Variants in HRH1 observed in about 807,000 individuals in gnomAD.
HRH1 encodes histamine receptor H1.
Under a neutral mutation model 10.3 loss-of-function variants are expected in HRH1, and 6 were observed. That is an observed-to-expected ratio of 0.58 (90% CI 0.32 to 1.15). The LOEUF (loss-of-function observed/expected upper bound fraction) is 1.15, where lower values mean the gene tolerates loss of function less well. HRH1 is among the 50% of genes most tolerant of loss of function. The pLI, the probability that HRH1 is intolerant of heterozygous loss-of-function variation, is 0.05. For missense variants in HRH1, 514 were observed against 615.3 expected (o/e 0.84, Z 1.74); for synonymous variants, 242 against 236.7 (o/e 1.02, Z -0.21).
Position 11,259,324 on chromosome 3 carries a change from G to A in HRH1, c.287G>A (p.Gly96Asp). The change falls in exon 2 of 2, where the codon GGC (glycine) becomes GAC (aspartate). Residue 96 changes from glycine (G) to aspartate (D), a missense_variant. Coordinates refer to ENST00000431010, the MANE Select transcript of HRH1 (RefSeq NM_001098212.2). The surrounding 1 kb of genome is among the most constrained non-coding windows in gnomAD (Gnocchi z 4.6). The stretch of plus-strand genomic sequence containing the variant: ...CTGCTCATGTCCAAGTGGTCACTGG[G>A]CCGTCCTCTCTGCCTCTTTTGGCTT... ...LYLLMSKWSLGRPLCLFWLSM... is the reference protein window; with the variant it reads ...LYLLMSKWSLDRPLCLFWLSM... 1 of 1,613,584 alleles carries A rather than the reference G, an allele frequency of 6.2e-7. No homozygotes were observed. Among genetic ancestry groups the A allele is most frequent in the Non-Finnish European group, 8.5e-7 (1 of 1,179,996 alleles).
At chr3:11,137,609 G>T (rs1936207488) in intron 1 of HRH1, among the ~76,000 whole-genome samples, 1 of 152,156 alleles carries the variant, frequency 6.6e-6, no homozygotes, top group East Asian at 1.9e-4. Flanking sequence ...GAGTCATCAT[G>T]GGCTGTGATG....
intron 1 of HRH1, among the ~76,000 whole-genome samples, chr3:11,225,654 A>G (rs142249462): frequency 3.3e-4 from 51 of 152,362 alleles, no homozygotes; most frequent in African/African-American, 1.1e-3. Context: ...ATCAGTAATT[A>G]AGGAATTACA....
At chr3:11,232,194 G>A (rs1357267906) in intron 1 of HRH1, among the ~76,000 whole-genome samples, 1 of 152,036 alleles carries the variant, frequency 6.6e-6, no homozygotes, top group Admixed American at 6.6e-5. Context: ...CACCATGTTG[G>A]CCAGGATGGT....
chr3:11,210,113 C>T lies in HRH1; in HGVS notation c.-35-48890C>T, dbSNP rs371051768. 1.5e-4 allele frequency among the ~76,000 whole-genome samples: 23 copies of T among 152,186 alleles called. No individual in the cohort carries two copies. The South Asian group carries it at 4.6e-3, about 30-fold the overall frequency. On this transcript the variant is annotated intron_variant, in intron 1 of 1. Coordinates refer to ENST00000431010, the MANE Select transcript of HRH1 (RefSeq NM_001098212.2). ...ATCTCTTATGTGGAGTTAATAGGGC[C>T]ACATGCAGTGGCTCATGCCTGTAAT...
At chr3:11,177,157 C>T (rs1444577415) in intron 1 of HRH1, among the ~76,000 whole-genome samples, 5 of 151,610 alleles carry the variant, frequency 3.3e-5, no homozygotes, top group African/African-American at 7.3e-5. Context: ...TCCCAGCATT[C>T]AGGGAGGCCA....
intron 1 of HRH1, among the ~76,000 whole-genome samples, chr3:11,202,426 A>T (rs1375179396): frequency 2.7e-5 from 4 of 149,678 alleles, no homozygotes; most frequent in African/African-American, 9.8e-5. Flanking sequence ...AAATAAATAA[A>T]TAAATAAATA....
Position 11,260,789 on chromosome 3 carries a change from A to ACGGC in HRH1, c.*288_*289insCGGC. On this transcript the variant is annotated 3_prime_UTR_variant, in exon 2 of 2. Transcript: ENST00000431010. ...GAAAAAAATAATAAAAATAAAAGAG[A>ACGGC]GAGAGAATCAGACCTGGGTGGAACT... 1 of 347,034 alleles carries ACGGC rather than the reference A, an allele frequency of 2.9e-6. No individual in the cohort carries two copies. Among genetic ancestry groups the ACGGC allele is most frequent in the Admixed American group, 4.4e-5 (1 of 22,690 alleles). 21.5% of individuals were successfully genotyped at this position (347,034 alleles called of 1,614,324 possible). A position where few individuals can be genotyped will look rare whatever the true frequency, so the allele number is the denominator to read the frequency against.
intron 1 of HRH1, among the ~76,000 whole-genome samples, chr3:11,238,724 A>G (rs551398914): frequency 2.8e-4 from 42 of 152,180 alleles, no homozygotes; most frequent in Non-Finnish European, 5.3e-4. Context: ...CCACTAATCT[A>G]TTCTCTGTCT....
chr3:11,230,334 G>T (rs1939006598), intron 1 of HRH1, among the ~76,000 whole-genome samples: 1 of 152,312 alleles, frequency 6.6e-6, no homozygotes, highest in South Asian at 2.1e-4. Flanking sequence ...GGAGCAAGAG[G>T]CAGCTTGCTG....
intron 1 of HRH1, among the ~76,000 whole-genome samples, chr3:11,208,523 G>T (rs757775152): frequency 6.6e-6 from 1 of 152,114 alleles, no homozygotes; most frequent in African/African-American, 2.4e-5. Flanking sequence ...TAAATCAAAA[G>T]TTTGAAAAAA....
At chr3:11,143,559 T>G (rs921629657) in intron 1 of HRH1, among the ~76,000 whole-genome samples, 9 of 152,228 alleles carry the variant, frequency 5.9e-5, no homozygotes, top group African/African-American at 2.2e-4. Flanking sequence ...CAGATGCCTA[T>G]TCTAGTCCGC....
chr3:11,141,212 TTGTC>T (rs1382326286), intron 1 of HRH1, among the ~76,000 whole-genome samples: 1 of 152,182 alleles, frequency 6.6e-6, no homozygotes, highest in Non-Finnish European at 1.5e-5. Flanking sequence ...CTCAGTTTCT[TTGTC>T]TGTAAAATGG....
intron 1 of HRH1, among the ~76,000 whole-genome samples, chr3:11,221,164 A>T (rs1938698726): frequency 6.6e-6 from 1 of 152,224 alleles, no homozygotes; most frequent in African/African-American, 2.4e-5. Flanking sequence ...GATGCCCTTA[A>T]GTTGACAAAT....
chr3:11,137,522 C>G (rs1453758363), intron 1 of HRH1: 1 of 153,182 alleles, frequency 6.5e-6, no homozygotes, highest in Non-Finnish European at 1.5e-5. Flanking sequence ...ACTGAGGTGG[C>G]TGATTGGATG....
chr3:11,214,256 A>G (rs1938420421), intron 1 of HRH1, among the ~76,000 whole-genome samples: 1 of 152,176 alleles, frequency 6.6e-6, no homozygotes, highest in African/African-American at 2.4e-5. Context: ...ATAAAACAAG[A>G]AGTCTGATTT....
At chr3:11,154,479 C>G (rs1052667698), upstream of HRH1, 1 of 448 alleles carries the variant, frequency 2.2e-3, no homozygotes, top group African/African-American at 0.036. The surrounding 1 kb of genome is among the most constrained non-coding windows in gnomAD (Gnocchi z 4.4). Flanking sequence ...GGCGCCCCCG[C>G]CGCCGCCCCC....
In HRH1 at chr3:11,140,399, AC is replaced by A. The variant is rs1195584274; in HGVS notation, c.-36+3003del. Among the ~76,000 whole-genome samples, 3 of 151,970 alleles carry A rather than the reference AC, an allele frequency of 2.0e-5. No homozygotes were observed. In the South Asian group the frequency reaches 6.2e-4, roughly 32 times the overall value. On this transcript the variant is annotated intron_variant, in intron 1 of 1. Coordinates refer to the HRH1 transcript ENST00000438284. The stretch of plus-strand genomic sequence containing the variant: ...TACCAAGACCTCTCATTCTGCACAC[AC>A]CCTCCAGCTGCAATTCCACCTAACA...
rs369569952 is a variant in HRH1 at position 11,223,056 on chromosome 3, G to A, written c.-35-35947G>A. On this transcript the variant is annotated intron_variant, in intron 1 of 1. Coordinates refer to ENST00000431010, the MANE Select transcript of HRH1 (RefSeq NM_001098212.2). ...AAAAATTAGCTGGGCATGGTGGCGC[G>A]TGCCTGTAGTCCCAGCTACTCAGGA... Among the ~76,000 whole-genome samples the A allele has an allele frequency of 2.6e-3, 402 of 151,738 alleles. 2 individuals are homozygous for A. The highest frequency in any genetic ancestry group is 9.1e-3 in the African/African-American group (376 of 41,348).
At chr3:11,202,232 T>C (rs1937946098) in intron 1 of HRH1, among the ~76,000 whole-genome samples, 1 of 151,958 alleles carries the variant, frequency 6.6e-6, no homozygotes, top group African/African-American at 2.4e-5. Flanking sequence ...GGCGAAACCC[T>C]GTCTCTACTA....
Sources: allele counts gnomAD v4.1 joint callset (sites outside exome capture counted in the v4.1 genomes callset), GRCh38; gene constraint gnomAD v4.1.1; non-coding constraint Gnocchi (gnomAD v3.1); transcripts MANE v1.5; gene names NCBI Gene and HGNC (gene_info 2026-07-23, HGNC 2026-07-21).